MTERF3: variants seen among roughly 807,000 people sequenced by gnomAD.
The protein encoded by MTERF3 is transcription termination factor 3, mitochondrial.
In MTERF3, 40 loss-of-function variants were observed where a neutral mutation model predicts 40.5. The ratio of observed to expected loss-of-function variants is 0.99; its 90% CI spans 0.77 to 1.29. MTERF3 has a LOEUF of 1.29. MTERF3 is among the 50% of genes most tolerant of loss of function. MTERF3 has a pLI of 0.00. For missense variants in MTERF3, 452 were observed against 478.2 expected, an observed-to-expected ratio of 0.95 and a Z score of 0.51; for synonymous variants, 158 against 166.6, an observed-to-expected ratio of 0.95 and a Z score of 0.40.
chr8:96,246,311 T>C lies in MTERF3; in HGVS notation c.821A>G (p.Lys274Arg). ...AAATTCTCTCCTTTTCTTTACCTTC[T>C]TCACACTAAGTTCAAGTTCTTTCTG... ...FFQKELELSV[K>R]KTRDLVVRLP... Residue 274 changes from lysine to arginine, a missense_variant, in exon 5 of 8, where the codon AAG becomes AGG. Transcript: ENST00000287025. 6.3e-7 allele frequency: 1 copy of C among 1,596,924 alleles called. No individual in the cohort carries two copies. Among genetic ancestry groups the C allele is most frequent in the Non-Finnish European group, 8.5e-7 (1 of 1,176,188 alleles).
intron 3 of MTERF3, among the ~76,000 whole-genome samples, chr8:96,256,302 G>C (rs945813471): frequency 6.6e-6 from 1 of 152,160 alleles, no homozygotes; most frequent in Non-Finnish European, 1.5e-5. Context: ...CTTCAGGAAG[G>C]AGGTCGGGGT....
intron 3 of MTERF3, among the ~76,000 whole-genome samples, chr8:96,252,155 A>C (rs951798232): frequency 1.3e-5 from 2 of 152,252 alleles, no homozygotes; most frequent in African/African-American, 4.8e-5. Context: ...CTGTAAGTCC[A>C]TTAAACCTCT....
chr8:96,246,932 T>C (rs576126063), intron 4 of MTERF3, among the ~76,000 whole-genome samples: 1 of 150,310 alleles, frequency 6.7e-6, no homozygotes, highest in East Asian at 1.9e-4. Flanking sequence ...GAGAGAGGCA[T>C]TTTTTAGGTT....
At chr8:96,245,148 T>C (rs1809998319) in intron 6 of MTERF3, among the ~76,000 whole-genome samples, 1 of 151,944 alleles carries the variant, frequency 6.6e-6, no homozygotes, top group South Asian at 2.1e-4. Flanking sequence ...CCCCACTAGA[T>C]TGTAAGCTCC....
intron 3 of MTERF3, among the ~76,000 whole-genome samples, chr8:96,254,426 T>A (rs1341937273): frequency 6.6e-6 from 1 of 152,060 alleles, no homozygotes; most frequent in African/African-American, 2.4e-5. Context: ...TCCCCATTCC[T>A]CCCCACCCCA....
At chr8:96,247,632 A>G (rs1810046162) in intron 4 of MTERF3, among the ~76,000 whole-genome samples, 1 of 152,182 alleles carries the variant, frequency 6.6e-6, no homozygotes, top group South Asian at 2.1e-4. Context: ...CCTACATCTA[A>G]AGCCTATGGT....
chr8:96,248,845 G>A (rs1227729345), intron 4 of MTERF3, among the ~76,000 whole-genome samples: 1 of 152,028 alleles, frequency 6.6e-6, no homozygotes, highest in East Asian at 1.9e-4. Flanking sequence ...ATAGAAATAA[G>A]ACTGCTGCAT....
intron 7 of MTERF3, among the ~76,000 whole-genome samples, chr8:96,243,020 C>T (rs1303153493): frequency 5.3e-5 from 8 of 152,154 alleles, no homozygotes; most frequent in Non-Finnish European, 1.0e-4. Flanking sequence ...GGTATATTTA[C>T]GTTTGGTAAA....
intron 4 of MTERF3, among the ~76,000 whole-genome samples, chr8:96,250,681 A>AGGAGGAGG (rs1586169109): frequency 8.6e-5 from 2 of 23,340 alleles, no homozygotes; most frequent in African/African-American, 3.5e-4. Context: ...GAAGAAGAAG[A>AGGAGGAGG]AGGAGGAGGA....
intron 2 of MTERF3, among the ~76,000 whole-genome samples, chr8:96,257,977 A>G (rs1447003139): frequency 6.6e-6 from 1 of 152,218 alleles, no homozygotes; most frequent in African/African-American, 2.4e-5. Flanking sequence ...TGATTGCAGT[A>G]GTTCTTACAC....
At position 96,249,476 on chromosome 8, in the gene MTERF3, A is replaced by T. The variant is rs1810083900; in HGVS notation, c.677+1430T>A. On this transcript the variant is annotated intron_variant, in intron 4 of 7. Coordinates refer to ENST00000287025, the MANE Select transcript of MTERF3 (RefSeq NM_015942.5). ...CTCTCTCCCTTCTGTATTGTGATAG[A>T]CTATCACTCTCATGAAGGGAAAGAC... Among the ~76,000 whole-genome samples the T allele has an allele frequency of 2.0e-5, 3 of 152,198 alleles. No individual in the cohort carries two copies. In the South Asian group the frequency reaches 6.2e-4, roughly 31 times the overall value.
downstream of MTERF3, chr8:96,239,399 A>G (rs1343366690): frequency 1.0e-5 from 10 of 1,002,158 alleles, no homozygotes; most frequent in South Asian, 1.8e-5. Context: ...ATGGTTTCCA[A>G]TATCAGTTGA....
chr8:96,248,727 A>C (rs1335257828), intron 4 of MTERF3, among the ~76,000 whole-genome samples: 1 of 152,204 alleles, frequency 6.6e-6, no homozygotes, highest in Non-Finnish European at 1.5e-5. Context: ...CCAACCAAAA[A>C]AAGAGTATTT....
chr8:96,239,587 A>C lies in MTERF3; in HGVS notation c.1158T>G (p.Ser386=). Residue 386 remains serine, a synonymous_variant, in exon 8 of 8, where the codon TCT becomes TCG. Coordinates refer to ENST00000287025, the MANE Select transcript of MTERF3 (RefSeq NM_015942.5). The part of the protein sequence containing the change: ...QYDPAKPNYI[S]LDKLVSIPDE... ...CAGGAATAGATACTAGTTTGTCCAA[A>C]GAGATGTAGTTAGGTTTTGCTGGAT... 6.2e-7 allele frequency: 1 copy of C among 1,613,028 alleles called. No individual in the cohort carries two copies. Among genetic ancestry groups the C allele is most frequent in the Non-Finnish European group, 8.5e-7 (1 of 1,179,592 alleles).
At chr8:96,243,166 C>CT (rs1437299001) in intron 7 of MTERF3, among the ~76,000 whole-genome samples, 1 of 152,096 alleles carries the variant, frequency 6.6e-6, no homozygotes, top group African/African-American at 2.4e-5. Flanking sequence ...TTTTACCCAT[C>CT]TTTTTTCAAA....
At position 96,256,951 on chromosome 8, in the gene MTERF3, G is replaced by C. The variant is rs1395550772; in HGVS notation, c.487+11C>G. ...ACATGCAAAAAGTACTTGTAGTTTA[G>C]TCAAACTTACCTAGAAGAACCAACT... On this transcript the variant is annotated intron_variant, in intron 3 of 7. Transcript: ENST00000287025. 22 of 1,590,726 alleles carry C rather than the reference G, an allele frequency of 1.4e-5. No homozygotes were observed. Among genetic ancestry groups the C allele is most frequent in the Non-Finnish European group, 1.9e-5 (22 of 1,173,226 alleles).
At position 96,246,305 on chromosome 8, in the gene MTERF3, A is replaced by C; in HGVS notation, c.825+2T>G. 1 of 1,591,482 alleles carries C rather than the reference A, an allele frequency of 6.3e-7. No individual in the cohort carries two copies. The highest frequency in any genetic ancestry group is 8.5e-7 in the Non-Finnish European group (1 of 1,174,416). ...ATAAACAAATTCTCTCCTTTTCTTTACCTTCTTCACACTAAGTTCAAGTTC... is the reference window on the plus strand; with the variant it reads ...ATAAACAAATTCTCTCCTTTTCTTTCCCTTCTTCACACTAAGTTCAAGTTC... On this transcript the variant is annotated splice_donor_variant, in intron 5 of 7. Coordinates refer to ENST00000287025, the MANE Select transcript of MTERF3 (RefSeq NM_015942.5). LOFTEE classifies it high-confidence loss of function.
At chr8:96,252,022 C>T (rs139178793) in intron 3 of MTERF3, among the ~76,000 whole-genome samples, 3,785 of 152,210 alleles carry the variant, frequency 0.025, 165 homozygotes, top group African/African-American at 0.086. Flanking sequence ...ATAAGTCTCA[C>T]GAGATCTGAT....
chr8:96,244,776 G>T (rs1020665083), intron 6 of MTERF3, among the ~76,000 whole-genome samples: 8 of 152,200 alleles, frequency 5.3e-5, no homozygotes, highest in African/African-American at 1.9e-4. Flanking sequence ...TACAGCTTCC[G>T]GCTCCTGGGG....
Sources: gnomAD v4.1 joint callset for allele counts (sites outside exome capture counted in the v4.1 genomes callset) on GRCh38, gnomAD v4.1.1 for gene constraint, MANE v1.5 for transcripts, NCBI Gene and HGNC (gene_info 2026-07-23, HGNC 2026-07-21) for gene names.